Variants in MEGF11 observed in about 807,000 individuals in gnomAD.
MEGF11 encodes the protein multiple EGF like domains 11.
A neutral mutation model predicts 146.6 loss-of-function variants in MEGF11; 126 were observed. That is an observed-to-expected ratio of 0.86 (90% confidence interval 0.74 to 1.00). The LOEUF (loss-of-function observed/expected upper bound fraction) is 1.00, where lower values mean the gene tolerates loss of function less well. Among genes scored for constraint, MEGF11 ranks in the 50% least tolerant of loss-of-function variants. The pLI is 0.00. For synonymous variants in MEGF11, 532 were observed against 583.4 expected, an observed-to-expected ratio of 0.91 and a Z score of 1.27; for missense variants, 1,509 against 1,521.2, an observed-to-expected ratio of 0.99 and a Z score of 0.13.
intron 4 of MEGF11, among the ~76,000 whole-genome samples, chr15:66,118,535 A>G (rs1038667512): frequency 1.3e-5 from 2 of 152,008 alleles, no homozygotes; most frequent in African/African-American, 4.8e-5. Flanking sequence ...ATGTCCCCCA[A>G]ATCCTTTTTG....
In MEGF11 at chr15:66,119,100, C is replaced by T. The variant is rs1417012042; in HGVS notation, c.287G>A (p.Gly96Glu). 6 of 1,550,848 alleles carry T rather than the reference C, an allele frequency of 3.9e-6. No individual in the cohort carries two copies. The highest frequency in any genetic ancestry group is 5.2e-6 in the Non-Finnish European group (6 of 1,146,700). Residue 96 changes from glycine (G) to glutamate (E), a missense_variant, in exon 4 of 26, where the codon GGA (glycine) becomes GAA (glutamate). Coordinates refer to ENST00000395614, the MANE Select transcript of MEGF11 (RefSeq NM_001385028.1). ...SQCCPGYYES[G>E]DFCIPLCTEE... ...CCCCTACATACGTATGCAGAAGTCT[C>T]CGCTCTCATAGTAGCCAGGGCAGCA... is the stretch of plus-strand genomic sequence containing the variant.
chr15:65,912,500 A>G (rs11638122), intron 20 of MEGF11: 14,243 of 216,868 alleles, frequency 0.066, 609 homozygotes, highest in Non-Finnish European at 0.09. Flanking sequence ...TGATAGCCTT[A>G]CATGTCCCTG....
intron 1 of MEGF11, among the ~76,000 whole-genome samples, chr15:66,195,824 C>T (rs78450510): frequency 2.4e-3 from 359 of 152,284 alleles, no homozygotes; most frequent in African/African-American, 8.3e-3. Flanking sequence ...GAATGAGCCG[C>T]GGTGGGGCCC....
chr15:66,188,484 T>C (rs2090773572), intron 1 of MEGF11, among the ~76,000 whole-genome samples: 1 of 151,944 alleles, frequency 6.6e-6, no homozygotes, highest in South Asian at 2.1e-4. Flanking sequence ...GATCCCACAG[T>C]GGAAGGCATT....
At chr15:65,952,230 C>T (rs550668314) in intron 10 of MEGF11, among the ~76,000 whole-genome samples, 1 of 152,108 alleles carries the variant, frequency 6.6e-6, no homozygotes, top group South Asian at 2.1e-4. Context: ...GTTATGTGTG[C>T]TACAGATTGT....
At chr15:66,041,515 G>A (rs964797959) in intron 5 of MEGF11, among the ~76,000 whole-genome samples, 2 of 152,218 alleles carry the variant, frequency 1.3e-5, no homozygotes, top group African/African-American at 2.4e-5. Flanking sequence ...AGGTGCCTCC[G>A]ATGTACTGTT....
Position 65,993,542 on chromosome 15 carries a change from G to C in MEGF11, c.395-11054C>G, listed in dbSNP as rs142181525. ...TACCTCTTTGGAAGAGCCTTTCAAAGGCAGCTGGCAGAGACACCGGGCTAG... is the reference window on the plus strand; with the variant it reads ...TACCTCTTTGGAAGAGCCTTTCAAACGCAGCTGGCAGAGACACCGGGCTAG... On this transcript the variant is annotated intron_variant, in intron 5 of 25. Coordinates refer to ENST00000395614, the MANE Select transcript of MEGF11 (RefSeq NM_001385028.1). Among the ~76,000 whole-genome samples the C allele has an allele frequency of 4.1e-3, 627 of 152,322 alleles. 12 individuals are homozygous for C. Among genetic ancestry groups the C allele is most frequent in the African/African-American group, 0.014 (589 of 41,574 alleles).
At chr15:65,986,549 A>T (rs1431276387) in intron 5 of MEGF11, among the ~76,000 whole-genome samples, 2 of 152,206 alleles carry the variant, frequency 1.3e-5, no homozygotes, top group East Asian at 3.9e-4. Context: ...TAGAAAATTC[A>T]CTTAAAACAC....
intron 12 of MEGF11, among the ~76,000 whole-genome samples, chr15:65,928,741 C>T (rs1482761097): frequency 6.6e-6 from 1 of 151,892 alleles, no homozygotes; most frequent in African/African-American, 2.4e-5. Flanking sequence ...ATAACACAGC[C>T]ATGAAGACAC....
intron 3 of MEGF11, among the ~76,000 whole-genome samples, chr15:66,119,437 G>A (rs996024058): frequency 6.6e-6 from 1 of 152,196 alleles, no homozygotes; most frequent in African/African-American, 2.4e-5. Context: ...AAATAGAAGG[G>A]CTGCAGAAGA....
chr15:65,953,262 G>A (rs1335639992), intron 10 of MEGF11, among the ~76,000 whole-genome samples: 1 of 152,210 alleles, frequency 6.6e-6, no homozygotes, highest in East Asian at 1.9e-4. Context: ...GCAAAGTCTT[G>A]TTTTAGCAGA....
chr15:66,213,041 A>C (rs907214417), intron 1 of MEGF11, among the ~76,000 whole-genome samples: 7 of 152,194 alleles, frequency 4.6e-5, no homozygotes, highest in African/African-American at 1.7e-4. Context: ...AATTGTGGAC[A>C]AAGGACGGGC....
chr15:65,943,996 T>C (rs1386401168), intron 10 of MEGF11, among the ~76,000 whole-genome samples: 1 of 151,884 alleles, frequency 6.6e-6, no homozygotes. Context: ...GGACAGAGGG[T>C]CTTGCAGAGG....
At chr15:66,166,952 G>T (rs994482677) in intron 1 of MEGF11, among the ~76,000 whole-genome samples, 4 of 152,170 alleles carry the variant, frequency 2.6e-5, no homozygotes, top group African/African-American at 9.7e-5. Flanking sequence ...CCCTCAGGAT[G>T]TGCCTTTCAG....
intron 5 of MEGF11, among the ~76,000 whole-genome samples, chr15:66,023,578 A>G (rs2083232175): frequency 6.6e-6 from 1 of 151,894 alleles, no homozygotes; most frequent in Non-Finnish European, 1.5e-5. Context: ...TTGAATGGAG[A>G]CTCTTCTCAA....
At chr15:65,984,169 T>A (rs2081761861) in intron 5 of MEGF11, among the ~76,000 whole-genome samples, 1 of 152,166 alleles carries the variant, frequency 6.6e-6, no homozygotes, top group Non-Finnish European at 1.5e-5. Flanking sequence ...TTCCACCTGC[T>A]ATTACAGTGA....
chr15:65,999,893 CA>C (rs1197605408), intron 5 of MEGF11, among the ~76,000 whole-genome samples: 1 of 152,210 alleles, frequency 6.6e-6, no homozygotes, highest in Non-Finnish European at 1.5e-5. Flanking sequence ...TAAACTCCTT[CA>C]GGGGAGGCAC....
intron 4 of MEGF11, among the ~76,000 whole-genome samples, chr15:66,118,488 G>A (rs1349074202): frequency 6.6e-6 from 1 of 152,148 alleles, no homozygotes; most frequent in Non-Finnish European, 1.5e-5. Flanking sequence ...TAGGAAAAGA[G>A]GCAATGTTTG....
chr15:66,090,711 T>C, intron 5 of MEGF11, among the ~76,000 whole-genome samples: 1 of 152,206 alleles, frequency 6.6e-6, no homozygotes, highest in East Asian at 1.9e-4. Context: ...TCAATGTCCA[T>C]CAACAAGGGA....
Sources: allele counts gnomAD v4.1 joint callset (sites outside exome capture counted in the v4.1 genomes callset), GRCh38; gene constraint gnomAD v4.1.1; transcripts MANE v1.5; gene names NCBI Gene and HGNC (gene_info 2026-07-23, HGNC 2026-07-21).